Variants in TNKS observed in about 807,000 individuals in gnomAD.
TNKS encodes the protein poly [ADP-ribose] polymerase tankyrase-1.
In TNKS, 72 loss-of-function variants were observed where a neutral mutation model predicts 135.8. That is an observed-to-expected ratio of 0.53 (90% CI 0.44 to 0.64). The LOEUF (loss-of-function observed/expected upper bound fraction) is 0.64, where lower values mean the gene tolerates loss of function less well. Ranked by LOEUF, TNKS falls within the 30% of genes least tolerant of loss-of-function variation. TNKS has a pLI of 0.00. For synonymous variants in TNKS, 849 were observed against 649.3 expected (o/e 1.31, Z -4.68); for missense variants, 1,769 against 1,674.0 (o/e 1.06, Z -0.99).
At chr8:9,609,861 CT>C (rs530870194) in intron 2 of TNKS, among the ~76,000 whole-genome samples, 4 of 151,834 alleles carry the variant, frequency 2.6e-5, no homozygotes, top group Non-Finnish European at 5.9e-5. Flanking sequence ...TTCTTTTTTT[CT>C]TTTTTTTCTT....
intron 4 of TNKS, among the ~76,000 whole-genome samples, chr8:9,680,473 A>T (rs1802735568): frequency 2.6e-5 from 4 of 152,202 alleles, no homozygotes. Context: ...AATTAAGAAG[A>T]TGACTTTATG....
At chr8:9,643,820 C>G (rs568979308) in intron 3 of TNKS, among the ~76,000 whole-genome samples, 2 of 152,276 alleles carry the variant, frequency 1.3e-5, no homozygotes, top group African/African-American at 4.8e-5. Context: ...TATTTGTACA[C>G]TCATGTTGAT....
At chr8:9,586,722 CGTGTGTGTGTGTGTGTGTGTGTGTGT>C (rs5889287) in intron 2 of TNKS, among the ~76,000 whole-genome samples, 2 of 143,210 alleles carry the variant, frequency 1.4e-5, no homozygotes, top group African/African-American at 5.1e-5. Context: ...ATATCTAAAA[CGTGTGTGTGTGTGTGTGTGTGTGTGT>C]GTGTGTGTGT....
chr8:9,568,936 G>T (rs1797655426), intron 1 of TNKS, among the ~76,000 whole-genome samples: 1 of 152,056 alleles, frequency 6.6e-6, no homozygotes, highest in South Asian at 2.1e-4. Flanking sequence ...TCCAGAAACG[G>T]GTATACCTGT....
chr8:9,576,669 A>G (rs1300602535), intron 1 of TNKS, among the ~76,000 whole-genome samples: 1 of 151,852 alleles, frequency 6.6e-6, no homozygotes, highest in African/African-American at 2.4e-5. Flanking sequence ...TGACCCAATC[A>G]CTTCCCACCA....
At chr8:9,583,439 A>G (rs1432297938) in intron 2 of TNKS, among the ~76,000 whole-genome samples, 1 of 152,086 alleles carries the variant, frequency 6.6e-6, no homozygotes, top group East Asian at 1.9e-4. Context: ...CTACCCCTCA[A>G]ATATAGTCTC....
chr8:9,617,036 G>C (rs1799669956), intron 3 of TNKS, among the ~76,000 whole-genome samples: 1 of 152,140 alleles, frequency 6.6e-6, no homozygotes, highest in Non-Finnish European at 1.5e-5. Flanking sequence ...TCCTCCCTCT[G>C]ACGTTTCCTT....
At position 9,580,597 on chromosome 8, in the gene TNKS, C is replaced by T. The variant is rs1029919568; in HGVS notation, c.898+214C>T. ...TAACTTTCCAAATGCAGTCAAATGC[C>T]TATTGATGTGGAACTCAATTTTAAT... On this transcript the variant is annotated intron_variant, in intron 2 of 26. Coordinates refer to ENST00000310430, the MANE Select transcript of TNKS (RefSeq NM_003747.3). 5.9e-5 allele frequency among the ~76,000 whole-genome samples: 9 copies of T among 152,188 alleles called. No homozygotes were observed. The East Asian group carries it at 1.5e-3, about 26-fold the overall frequency.
At chr8:9,652,176 G>C (rs1801171124) in intron 3 of TNKS, among the ~76,000 whole-genome samples, 1 of 152,178 alleles carries the variant, frequency 6.6e-6, no homozygotes, top group African/African-American at 2.4e-5. Context: ...AGAACTATCA[G>C]ATAGATATTT....
chr8:9,680,995 G>C (rs936196313), intron 5 of TNKS, 195 bp downstream of exon 5: 6 of 425,876 alleles, frequency 1.4e-5, no homozygotes, highest in Non-Finnish European at 2.1e-5. Flanking sequence ...TGGATCTTAA[G>C]TAAGCCTTTT....
chr8:9,579,184 C>A (rs1798070315), intron 1 of TNKS, among the ~76,000 whole-genome samples: 1 of 152,252 alleles, frequency 6.6e-6, no homozygotes, highest in East Asian at 1.9e-4. Context: ...GTTTTATATT[C>A]CCAAGTGCTT....
intron 2 of TNKS, among the ~76,000 whole-genome samples, chr8:9,591,553 A>T (rs528265352): frequency 7.9e-5 from 12 of 152,296 alleles, no homozygotes; most frequent in Non-Finnish European, 1.0e-4. Flanking sequence ...GTGGTCATTC[A>T]TGTATATTTT....
intron 11 of TNKS, among the ~76,000 whole-genome samples, chr8:9,718,903 A>G (rs1377921607): frequency 2.0e-5 from 3 of 152,214 alleles, no homozygotes; most frequent in Non-Finnish European, 4.4e-5. Flanking sequence ...CCATGCTTCA[A>G]TAAGTTGGAT....
At chr8:9,580,461 T>A in intron 2 of TNKS, 78 bp downstream of exon 2, 1 of 1,299,938 alleles carries the variant, frequency 7.7e-7, no homozygotes. Flanking sequence ...TAGTGTTTCC[T>A]GAGAATAGGT....
intron 14 of TNKS, among the ~76,000 whole-genome samples, chr8:9,732,579 T>TAA (rs35951542): frequency 3.2e-4 from 41 of 129,836 alleles, no homozygotes; most frequent in East Asian, 1.5e-3. Flanking sequence ...ATCCCAAAAC[T>TAA]AAAAAAAAAA....
rs191910452 is a variant in TNKS, at chr8:9,752,493, T to C, written c.3071-51T>C. ...TGTCTAAATGGATACTGAAATTTTCTTTATATTTAGAGAATTCTTTCTGAG... is the reference window on the plus strand; with the variant it reads ...TGTCTAAATGGATACTGAAATTTTCCTTATATTTAGAGAATTCTTTCTGAG... On this transcript the variant is annotated intron_variant, in intron 19 of 26. Transcript: ENST00000310430. 8.6e-3 allele frequency: 12,247 copies of C among 1,431,024 alleles called. 82 individuals carry two copies. The highest frequency in any genetic ancestry group is 0.011 in the Non-Finnish European group (11,152 of 1,028,290). The allele number at this position is 1,431,024 out of a possible 1,614,324, so 88.6% of individuals were successfully genotyped here.
intron 3 of TNKS, among the ~76,000 whole-genome samples, chr8:9,649,873 CTTTT>C (rs1801074746): frequency 1.0e-5 from 1 of 95,804 alleles, no homozygotes; most frequent in African/African-American, 4.2e-5. Context: ...TCTTTCTTTT[CTTTT>C]CTTTTTTTTT....
intron 5 of TNKS, among the ~76,000 whole-genome samples, chr8:9,701,953 C>G (rs1281475796): frequency 6.6e-6 from 1 of 152,120 alleles, no homozygotes; most frequent in Admixed American, 6.5e-5. Flanking sequence ...GGTAACAAGC[C>G]TAGGAACTCA....
chr8:9,733,151 G>C, intron 14 of TNKS, 128 bp from the exon 15 acceptor site: 1 of 648,346 alleles, frequency 1.5e-6, no homozygotes, highest in Non-Finnish European at 2.4e-6. Flanking sequence ...AACAGAGGTG[G>C]GTGTATTTCT....
Sources: allele counts gnomAD v4.1 joint callset (sites outside exome capture counted in the v4.1 genomes callset), GRCh38; gene constraint gnomAD v4.1.1; transcripts MANE v1.5; gene names NCBI Gene and HGNC (gene_info 2026-07-23, HGNC 2026-07-21).